Variants in NCOR2 observed in about 807,000 individuals in gnomAD.
NCOR2 encodes CTG repeat protein 26.
Under a neutral mutation model 262.9 loss-of-function variants are expected in NCOR2, and 81 were observed. The observed-to-expected ratio is 0.31, with a 90% CI of 0.26 to 0.37. The LOEUF (loss-of-function observed/expected upper bound fraction) is 0.37, where lower values mean the gene tolerates loss of function less well. Among genes scored for constraint, NCOR2 ranks in the 10% least tolerant of loss-of-function variants. The pLI is 1.00. For missense variants in NCOR2, 3,385 were observed against 3,621.4 expected, an observed-to-expected ratio of 0.93 and a Z score of 1.68; for synonymous variants, 1,659 against 1,559.3, an observed-to-expected ratio of 1.06 and a Z score of -1.51.
intron 13 of NCOR2, among the ~76,000 whole-genome samples, chr12:124,414,645 C>G (rs537943192): frequency 6.6e-6 from 1 of 152,228 alleles, no homozygotes; most frequent in Non-Finnish European, 1.5e-5. Context: ...GTAAACATCA[C>G]GGAGAAGGGA....
chr12:124,494,908 A>G (rs116072148), intron 1 of NCOR2, among the ~76,000 whole-genome samples: 3,080 of 152,302 alleles, frequency 0.02, 100 homozygotes, highest in African/African-American at 0.07. Flanking sequence ...GCAGAGCCCC[A>G]GCTCAGCCTG....
chr12:124,362,975 CCCAAA>C (rs1593222263), intron 21 of NCOR2, among the ~76,000 whole-genome samples: 1 of 152,258 alleles, frequency 6.6e-6, no homozygotes, highest in East Asian at 1.9e-4. Flanking sequence ...GAGCCCACCT[CCCAAA>C]AAGCCTGGCC....
At chr12:124,420,665 G>A (rs1311889680) in intron 12 of NCOR2, among the ~76,000 whole-genome samples, 1 of 152,184 alleles carries the variant, frequency 6.6e-6, no homozygotes, top group East Asian at 1.9e-4. Context: ...AGCCCTCCAT[G>A]AACCCCGGCC....
In NCOR2 at chr12:124,476,192, C is replaced by T. The variant is rs528572320; in HGVS notation, c.412-3061G>A. ...CCCGGGCCTTTGCACAGGCTGGCTC[C>T]GCTACCCAGAGTGCCCAACACCCCT... On this transcript the variant is annotated intron_variant, in intron 3 of 46. Transcript: ENST00000405201. 7.9e-5 allele frequency among the ~76,000 whole-genome samples: 12 copies of T among 152,298 alleles called. No homozygotes were observed. The South Asian group carries it at 1.9e-3, about 24-fold the overall frequency.
At chr12:124,350,428 C>T (rs928615713) in intron 28 of NCOR2, among the ~76,000 whole-genome samples, 159 bp downstream of exon 30, 1 of 152,206 alleles carries the variant, frequency 6.6e-6, no homozygotes, top group Non-Finnish European at 1.5e-5. Context: ...GCCAACGCTT[C>T]CCTGCTGCTG....
At chr12:124,434,761 G>A (rs988394830) in intron 8 of NCOR2, among the ~76,000 whole-genome samples, 2 of 152,146 alleles carry the variant, frequency 1.3e-5, no homozygotes, top group Non-Finnish European at 2.9e-5. Flanking sequence ...GACAGAGGGG[G>A]AGTATTTATT....
chr12:124,493,729 T>C (rs2048219423), intron 1 of NCOR2, among the ~76,000 whole-genome samples: 1 of 152,158 alleles, frequency 6.6e-6, no homozygotes. Context: ...AAGACAATGA[T>C]GACAAAATAT....
At chr12:124,511,259 AC>A (rs1324679588) in intron 1 of NCOR2, among the ~76,000 whole-genome samples, 1 of 152,186 alleles carries the variant, frequency 6.6e-6, no homozygotes, top group Non-Finnish European at 1.5e-5. Flanking sequence ...CCAGGTCCAC[AC>A]AGCCGGCCGG....
At chr12:124,564,520 A>ACCCCACCCCCAC (rs1420351364) in intron 1 of NCOR2, among the ~76,000 whole-genome samples, 2 of 53,708 alleles carry the variant, frequency 3.7e-5, no homozygotes, top group South Asian at 6.7e-4. Context: ...AACCCCCGCC[A>ACCCCACCCCCAC]CCCCACCCCC....
intron 16 of NCOR2, 53 bp from the exon 19 acceptor site, chr12:124,385,940 G>A: frequency 1.9e-6 from 3 of 1,580,646 alleles, no homozygotes; most frequent in Admixed American, 3.6e-5. Flanking sequence ...CACGCAGAGG[G>A]GGCCTGCATC....
At chr12:124,500,715 C>T (rs377384902) in intron 1 of NCOR2, among the ~76,000 whole-genome samples, 2 of 152,174 alleles carry the variant, frequency 1.3e-5, no homozygotes, top group South Asian at 4.1e-4. Flanking sequence ...CCCTGCATTC[C>T]TCTCCAGCTC....
intron 19 of NCOR2, among the ~76,000 whole-genome samples, chr12:124,373,462 T>C (rs2039691975): frequency 9.5e-6 from 1 of 105,006 alleles, no homozygotes; most frequent in African/African-American, 3.8e-5. Context: ...GTGAGGCCAG[T>C]GCGTGCGCAG....
intron 1 of NCOR2, among the ~76,000 whole-genome samples, chr12:124,564,312 A>T (rs2052163507): frequency 6.6e-6 from 1 of 152,034 alleles, no homozygotes; most frequent in African/African-American, 2.4e-5. Context: ...GGGCCTAAAA[A>T]ACCTGGCTCT....
chr12:124,383,637 G>A (rs1363577868), intron 17 of NCOR2: 1 of 201,742 alleles, frequency 5.0e-6, no homozygotes, highest in Non-Finnish European at 9.8e-6. Flanking sequence ...AGGGCACGTC[G>A]CCCTCCCGGA....
chr12:124,554,364 C>T (rs1000336749), intron 1 of NCOR2, among the ~76,000 whole-genome samples: 2 of 152,282 alleles, frequency 1.3e-5, no homozygotes, highest in South Asian at 2.1e-4. Context: ...AGTTCCACAT[C>T]GTCATGGCCC....
At chr12:124,371,946 G>C in intron 20 of NCOR2, 76 bp downstream of exon 22, 1 of 1,410,720 alleles carries the variant, frequency 7.1e-7, no homozygotes, top group South Asian at 1.4e-5. Flanking sequence ...GACTGGGTGC[G>C]GCTGTCTAAG....
At chr12:124,495,682 C>T (rs142380843), upstream of NCOR2, among the ~76,000 whole-genome samples, 2 of 152,180 alleles carry the variant, frequency 1.3e-5, no homozygotes, top group African/African-American at 4.8e-5. This position sits in a 1 kb window ranked among gnomAD's most constrained non-coding sequence, Gnocchi z 4.4. Flanking sequence ...TCCCAGCCCC[C>T]CTAAGCCCAT....
rs945085564 is a variant in NCOR2, at chr12:124,354,230, T to C, written c.3590-34A>G. On this transcript the variant is annotated intron_variant, in intron 26 of 46. Transcript: ENST00000405201. ...CACAAGATGTGGGGCTGAGGGCGTGTCTGTGGCCCTTCCTTCCCCAGGCCC... is the reference window on the plus strand; with the variant it reads ...CACAAGATGTGGGGCTGAGGGCGTGCCTGTGGCCCTTCCTTCCCCAGGCCC... 2.6e-6 allele frequency: 4 copies of C among 1,542,070 alleles called. No individual in the cohort carries two copies. In the East Asian group the frequency reaches 9.6e-5, roughly 37 times the overall value.
chr12:124,390,009 C>A (rs971864047), intron 16 of NCOR2, among the ~76,000 whole-genome samples: 1 of 152,184 alleles, frequency 6.6e-6, no homozygotes, highest in Admixed American at 6.5e-5. Flanking sequence ...CCCTTCCATC[C>A]TGCCCCCTAA....
Sources: gnomAD v4.1 joint callset for allele counts (sites outside exome capture counted in the v4.1 genomes callset) on GRCh38, gnomAD v4.1.1 for gene constraint, Gnocchi (gnomAD v3.1) non-coding constraint, MANE v1.5 for transcripts, NCBI Gene and HGNC (gene_info 2026-07-23, HGNC 2026-07-21) for gene names.